Variants in CALN1 observed in about 807,000 individuals in gnomAD.
The protein encoded by CALN1 is calcium-binding protein 8.
CALN1 carries 17 observed loss-of-function variants against 30.6 expected under a neutral mutation model. The ratio of observed to expected loss-of-function variants is 0.56; its 90% confidence interval spans 0.38 to 0.83. CALN1 has a LOEUF of 0.83. Ranked by LOEUF, CALN1 falls within the 40% of genes least tolerant of loss-of-function variation. The pLI, the probability that CALN1 is intolerant of heterozygous loss-of-function variation, is 0.00. For missense variants in CALN1, 291 were observed against 354.9 expected (o/e 0.82, Z 1.45); for synonymous variants, 156 against 131.4 (o/e 1.19, Z -1.28).
intron 2 of CALN1, among the ~76,000 whole-genome samples, chr7:72,351,380 G>C (rs536435278): frequency 3.0e-4 from 45 of 152,118 alleles, no homozygotes; most frequent in African/African-American, 9.9e-4. Context: ...AATGACAACA[G>C]AAACTTAGGA....
At chr7:72,313,159 C>T (rs765788683) in intron 2 of CALN1, among the ~76,000 whole-genome samples, 1 of 151,844 alleles carries the variant, frequency 6.6e-6, no homozygotes, top group Non-Finnish European at 1.5e-5. Flanking sequence ...TAAAATTAAA[C>T]CAGGGTGGCA....
chr7:71,949,330 C>A (rs2129523828), intron 5 of CALN1, among the ~76,000 whole-genome samples: 1 of 152,270 alleles, frequency 6.6e-6, no homozygotes, highest in Admixed American at 6.5e-5. Flanking sequence ...TTTACTTCAT[C>A]CTCTTCATTT....
chr7:71,879,282 T>C (rs1325425736), intron 5 of CALN1, among the ~76,000 whole-genome samples: 2 of 152,318 alleles, frequency 1.3e-5, no homozygotes, highest in East Asian at 3.9e-4. Context: ...GTCCTCTGAG[T>C]AGGGAACTCC....
intron 5 of CALN1, among the ~76,000 whole-genome samples, chr7:71,876,199 T>A (rs1792235713): frequency 6.6e-6 from 1 of 152,156 alleles, no homozygotes; most frequent in Non-Finnish European, 1.5e-5. Flanking sequence ...GTAGAACCTT[T>A]AAGAGATGTT....
intron 2 of CALN1, among the ~76,000 whole-genome samples, chr7:72,397,749 C>CACACACACACACACA (rs1554400055): frequency 6.7e-6 from 1 of 149,720 alleles, no homozygotes; most frequent in Non-Finnish European, 1.5e-5. Flanking sequence ...CACACACACA[C>CACACACACACACACA]ACCTTGCTCC....
At chr7:71,951,612 A>G (rs188177435) in intron 5 of CALN1, among the ~76,000 whole-genome samples, 116 of 152,234 alleles carry the variant, frequency 7.6e-4, no homozygotes, top group African/African-American at 2.8e-3. Flanking sequence ...AACAAAAACA[A>G]AACAACAACA....
At chr7:72,126,697 G>C (rs1808789303) in intron 3 of CALN1, among the ~76,000 whole-genome samples, 1 of 150,120 alleles carries the variant, frequency 6.7e-6, no homozygotes, top group African/African-American at 2.5e-5. Context: ...TTAGAAGTGA[G>C]AACATATGAT....
chr7:72,096,076 G>GATAA (rs1806206484), intron 4 of CALN1, among the ~76,000 whole-genome samples: 1 of 151,880 alleles, frequency 6.6e-6, no homozygotes, highest in Non-Finnish European at 1.5e-5. Context: ...TAGATAGATA[G>GATAA]ATAGATAGAT....
At chr7:72,288,143 C>T (rs1169914211) in intron 2 of CALN1, among the ~76,000 whole-genome samples, 2 of 152,112 alleles carry the variant, frequency 1.3e-5, no homozygotes, top group Non-Finnish European at 2.9e-5. Context: ...ACTGGGGCCA[C>T]CATCATCAGA....
chr7:71,888,490 A>AAAAAC (rs1793051886), intron 5 of CALN1, among the ~76,000 whole-genome samples: 1 of 152,018 alleles, frequency 6.6e-6, no homozygotes, highest in Admixed American at 6.6e-5. Context: ...AAAAAAACAA[A>AAAAAC]AAAACAAAAC....
chr7:71,958,603 A>G (rs1298517694), intron 5 of CALN1, among the ~76,000 whole-genome samples: 1 of 152,208 alleles, frequency 6.6e-6, no homozygotes, highest in African/African-American at 2.4e-5. Context: ...CCATCTTAGG[A>G]AAGTTTTCCA....
At chr7:71,983,267 G>A (rs1237897842) in intron 5 of CALN1, among the ~76,000 whole-genome samples, 1 of 151,986 alleles carries the variant, frequency 6.6e-6, no homozygotes, top group East Asian at 1.9e-4. Context: ...TGATTTCCTC[G>A]GCATGAGGCA....
At chr7:72,321,406 T>C (rs1232795517) in intron 2 of CALN1, among the ~76,000 whole-genome samples, 1 of 152,242 alleles carries the variant, frequency 6.6e-6, no homozygotes, top group Non-Finnish European at 1.5e-5. Flanking sequence ...TTATGAACTA[T>C]TCTTACAACA....
chr7:72,234,510 G>A (rs1028603749), intron 3 of CALN1, among the ~76,000 whole-genome samples: 3 of 149,934 alleles, frequency 2.0e-5, no homozygotes, highest in African/African-American at 5.1e-5. Flanking sequence ...GCCATGGCGC[G>A]ATCTCGGCTC....
At chr7:72,254,960 T>G (rs1795814108) in intron 3 of CALN1, among the ~76,000 whole-genome samples, 1 of 152,054 alleles carries the variant, frequency 6.6e-6, no homozygotes, top group African/African-American at 2.4e-5. Context: ...TATTATTTAT[T>G]GTTTGTATTT....
chr7:71,961,869 T>C (rs1286637857), intron 5 of CALN1, among the ~76,000 whole-genome samples: 12 of 152,140 alleles, frequency 7.9e-5, no homozygotes, highest in Admixed American at 7.9e-4. Flanking sequence ...CACAAGCCTA[T>C]TTCCCGCTGA....
intron 5 of CALN1, among the ~76,000 whole-genome samples, chr7:71,921,742 C>T (rs1430234643): frequency 6.6e-6 from 1 of 152,110 alleles, no homozygotes; most frequent in African/African-American, 2.4e-5. Flanking sequence ...TGAGGAAGTG[C>T]TCTCTTCCAT....
At chr7:72,076,645 A>AAAAAAAAAAAAAAAAC (rs1804761416) in intron 4 of CALN1, among the ~76,000 whole-genome samples, 1 of 129,832 alleles carries the variant, frequency 7.7e-6, no homozygotes, top group Non-Finnish European at 1.6e-5. Context: ...AAAAAAAAAA[A>AAAAAAAAAAAAAAAAC]AAGCAAAGAC....
rs1177437690 is a variant in CALN1 at position 72,168,716 on chromosome 7, A to AC, written c.245-62423dup. ...AGCTGTCAATACAATATGCCATACTACCCTTCCTCTGCCAGTTTCATGGCA... is the reference window on the plus strand; with the variant it reads ...AGCTGTCAATACAATATGCCATACTACCCCTTCCTCTGCCAGTTTCATGGCA... On this transcript the variant is annotated intron_variant, in intron 3 of 6. Coordinates refer to ENST00000395275, the MANE Select transcript of CALN1 (RefSeq NM_031468.4). Among the ~76,000 whole-genome samples the AC allele has an allele frequency of 2.0e-5, 3 of 151,296 alleles. No individual in the cohort carries two copies. In the East Asian group the frequency reaches 5.8e-4, roughly 29 times the overall value.
Sources: allele counts gnomAD v4.1 joint callset (sites outside exome capture counted in the v4.1 genomes callset), GRCh38; gene constraint gnomAD v4.1.1; transcripts MANE v1.5; gene names NCBI Gene and HGNC (gene_info 2026-07-23, HGNC 2026-07-21).